Variants in PTPRD observed in about 807,000 individuals in gnomAD.
The protein encoded by PTPRD is protein tyrosine phosphatase receptor type D.
In PTPRD, 34 loss-of-function variants were observed where a neutral mutation model predicts 214.5. That is an observed-to-expected ratio of 0.16 (90% CI 0.12 to 0.21). The LOEUF (loss-of-function observed/expected upper bound fraction) is 0.21. PTPRD is among the 10% of genes least tolerant of loss of function. The pLI, the probability that PTPRD is intolerant of heterozygous loss-of-function variation, is 1.00. For missense variants in PTPRD, 2,545 were observed against 2,398.7 expected, an observed-to-expected ratio of 1.06 and a Z score of -1.27; for synonymous variants, 1,128 against 845.7, an observed-to-expected ratio of 1.33 and a Z score of -5.79.
intron 14 of PTPRD, among the ~76,000 whole-genome samples, chr9:8,623,345 C>T (rs1339383054): frequency 6.6e-6 from 1 of 151,818 alleles, no homozygotes; most frequent in African/African-American, 2.4e-5. Flanking sequence ...TCACTTATGA[C>T]AGAATGATGT....
At chr9:9,784,306 G>C (rs532339145) in intron 5 of PTPRD, among the ~76,000 whole-genome samples, 1 of 152,012 alleles carries the variant, frequency 6.6e-6, no homozygotes, top group East Asian at 1.9e-4. Flanking sequence ...ATTTACTATG[G>C]AAAATTTTAA....
chr9:9,748,109 A>T (rs568082427), intron 6 of PTPRD, among the ~76,000 whole-genome samples: 37 of 152,340 alleles, frequency 2.4e-4, no homozygotes, highest in Admixed American at 1.4e-3. Context: ...TATTCTTTCC[A>T]TCATTCATCA....
chr9:10,193,559 C>T (rs1178313062), intron 3 of PTPRD, among the ~76,000 whole-genome samples: 3 of 151,984 alleles, frequency 2.0e-5, no homozygotes, highest in Admixed American at 1.3e-4. Flanking sequence ...ATTTTGTGAA[C>T]GGATACAGGA....
At chr9:10,343,982 T>TC (rs2097003341) in intron 2 of PTPRD, among the ~76,000 whole-genome samples, 1 of 133,294 alleles carries the variant, frequency 7.5e-6, no homozygotes, top group African/African-American at 2.9e-5. Context: ...ATGGTAGTTT[T>TC]TTTTTTTTTT....
At chr9:9,180,858 C>T (rs2099927791) in intron 10 of PTPRD, among the ~76,000 whole-genome samples, 1 of 152,038 alleles carries the variant, frequency 6.6e-6, no homozygotes, top group South Asian at 2.1e-4. Context: ...TTTTTGTACA[C>T]ATCATGTCTT....
chr9:9,554,851 C>T (rs1456827546), intron 8 of PTPRD, among the ~76,000 whole-genome samples: 1 of 151,964 alleles, frequency 6.6e-6, no homozygotes, highest in African/African-American at 2.4e-5. Flanking sequence ...TGATTACATT[C>T]CAAGCCAGGA....
intron 24 of PTPRD, 141 bp downstream of exon 24, chr9:8,500,613 G>T: frequency 6.6e-5 from 9 of 136,368 alleles, no homozygotes; most frequent in Non-Finnish European, 9.5e-5. Context: ...GCAAAGACAA[G>T]TCTTTGGCAA....
chr9:10,509,127 C>T (rs2047083610), intron 2 of PTPRD, among the ~76,000 whole-genome samples: 1 of 151,882 alleles, frequency 6.6e-6, no homozygotes, highest in South Asian at 2.1e-4. Context: ...TATCTATGCA[C>T]ATATTATATA....
intron 12 of PTPRD, among the ~76,000 whole-genome samples, chr9:8,674,038 C>T (rs1384476151): frequency 2.0e-5 from 3 of 152,150 alleles, no homozygotes; most frequent in Admixed American, 2.0e-4. Flanking sequence ...AAACTATTCC[C>T]TTCACTGTGT....
At chr9:10,560,166 C>A (rs1318250053) in intron 2 of PTPRD, among the ~76,000 whole-genome samples, 2 of 152,096 alleles carry the variant, frequency 1.3e-5, no homozygotes, top group African/African-American at 4.8e-5. Context: ...CCCAAATGTC[C>A]ATCAATGATA....
intron 9 of PTPRD, among the ~76,000 whole-genome samples, chr9:9,348,056 A>C (rs1353474587): frequency 6.6e-6 from 1 of 152,136 alleles, no homozygotes. Flanking sequence ...AAAAAAGCAA[A>C]ATCCAAGTGT....
intron 2 of PTPRD, among the ~76,000 whole-genome samples, chr9:10,348,442 G>A (rs563279810): frequency 2.6e-5 from 4 of 152,096 alleles, no homozygotes; most frequent in Admixed American, 1.3e-4. Context: ...TGCTGCAAGC[G>A]GTAAAACACT....
At chr9:8,471,305 T>C (rs1381872165) in intron 30 of PTPRD, among the ~76,000 whole-genome samples, 2 of 152,070 alleles carry the variant, frequency 1.3e-5, no homozygotes, top group African/African-American at 2.4e-5. Flanking sequence ...TGTATGGTAA[T>C]ATCATCATGG....
intron 3 of PTPRD, among the ~76,000 whole-genome samples, chr9:10,214,429 ATTTTTTTT>A (rs35115543): frequency 8.3e-6 from 1 of 120,752 alleles, no homozygotes; most frequent in African/African-American, 3.1e-5. Flanking sequence ...AAGCCCAACT[ATTTTTTTT>A]TTTTTTTTTT....
intron 9 of PTPRD, among the ~76,000 whole-genome samples, chr9:9,218,905 T>A (rs1307030619): frequency 6.6e-6 from 1 of 152,070 alleles, no homozygotes; most frequent in Non-Finnish European, 1.5e-5. Context: ...ATTCCTTAAA[T>A]ATAAGAAGCC....
intron 3 of PTPRD, among the ~76,000 whole-genome samples, chr9:10,106,939 T>C (rs2098639305): frequency 2.6e-5 from 4 of 151,510 alleles, no homozygotes; most frequent in Admixed American, 1.3e-4. Context: ...AGTAGGGAGG[T>C]TGGCAGAGAA....
chr9:9,721,986 A>C (rs944337578), intron 7 of PTPRD, among the ~76,000 whole-genome samples: 4 of 152,044 alleles, frequency 2.6e-5, no homozygotes, highest in African/African-American at 9.7e-5. Context: ...AGATTAAGGT[A>C]TGTGTGAGTG....
intron 19 of PTPRD, among the ~76,000 whole-genome samples, chr9:8,521,770 C>A (rs566011862): frequency 6.6e-6 from 1 of 152,106 alleles, no homozygotes; most frequent in Non-Finnish European, 1.5e-5. Context: ...CTTAGACACA[C>A]TAATACAAAA....
chr9:10,561,382 T>A (rs377076388), intron 2 of PTPRD, among the ~76,000 whole-genome samples: 5 of 152,274 alleles, frequency 3.3e-5, no homozygotes, highest in East Asian at 3.9e-4. Flanking sequence ...CCCTTTAGTA[T>A]GTTTGATTGA....
Sources: gnomAD v4.1 joint callset for allele counts (sites outside exome capture counted in the v4.1 genomes callset) on GRCh38, gnomAD v4.1.1 for gene constraint, MANE v1.5 for transcripts, NCBI Gene and HGNC (gene_info 2026-07-23, HGNC 2026-07-21) for gene names.